TMEM117: variants seen among roughly 807,000 people sequenced by gnomAD.
TMEM117 encodes the protein transmembrane protein 117.
In TMEM117, 27 loss-of-function variants were observed where a neutral mutation model predicts 52.4. That is an observed-to-expected ratio of 0.51 (90% CI 0.38 to 0.71). The LOEUF (loss-of-function observed/expected upper bound fraction) is 0.71. TMEM117 is among the 30% of genes least tolerant of loss of function. The pLI is 0.00. For missense variants in TMEM117, 556 were observed against 630.5 expected (o/e 0.88, Z 1.26); for synonymous variants, 215 against 206.3 (o/e 1.04, Z -0.36).
At chr12:44,150,352 T>A (rs1351875714) in intron 4 of TMEM117, among the ~76,000 whole-genome samples, 3 of 152,082 alleles carry the variant, frequency 2.0e-5, no homozygotes, top group Non-Finnish European at 4.4e-5. Context: ...AAAGATATAG[T>A]TCTATGGTGT....
chr12:43,883,365 C>G (rs1452592404), intron 2 of TMEM117, among the ~76,000 whole-genome samples: 1 of 152,162 alleles, frequency 6.6e-6, no homozygotes, highest in Non-Finnish European at 1.5e-5. Flanking sequence ...CAAGTCATAT[C>G]TCTTCATCAC....
chr12:43,983,334 C>A (rs1026634678), intron 3 of TMEM117, among the ~76,000 whole-genome samples: 1 of 152,012 alleles, frequency 6.6e-6, no homozygotes, highest in Admixed American at 6.6e-5. Context: ...TTGGCTAATA[C>A]CTCTTTGGCC....
rs528190376 is a variant in TMEM117 at position 43,841,036 on chromosome 12, C to T, written c.-28-3588C>T. Among the ~76,000 whole-genome samples the T allele has an allele frequency of 6.6e-5, 10 of 152,194 alleles. No individual in the cohort carries two copies. The East Asian group carries it at 1.3e-3, about 21-fold the overall frequency. On this transcript the variant is annotated intron_variant, in intron 1 of 7. Transcript: ENST00000266534. Reference sequence around the variant, plus strand: ...TAGGCAAACATTTGCAGCCTGTGTACGAAGTCATGAAGTGAGGATAAGCAG... The same window carrying T: ...TAGGCAAACATTTGCAGCCTGTGTATGAAGTCATGAAGTGAGGATAAGCAG...
At chr12:43,991,484 C>A (rs1945940437) in intron 3 of TMEM117, among the ~76,000 whole-genome samples, 1 of 148,410 alleles carries the variant, frequency 6.7e-6, no homozygotes, top group African/African-American at 2.6e-5. Context: ...TAATCTATCT[C>A]TGTCTATCTA....
chr12:44,339,311 A>G (rs1319914428), intron 6 of TMEM117, among the ~76,000 whole-genome samples: 3 of 152,068 alleles, frequency 2.0e-5, no homozygotes, highest in African/African-American at 7.2e-5. Context: ...TTCATTTTCC[A>G]GCTTCTAGCA....
chr12:44,315,783 A>T (rs1302242988), intron 6 of TMEM117, among the ~76,000 whole-genome samples: 2 of 152,130 alleles, frequency 1.3e-5, no homozygotes, highest in African/African-American at 4.8e-5. Context: ...CTTCTTGTTG[A>T]ATTGAACCTT....
intron 4 of TMEM117, among the ~76,000 whole-genome samples, chr12:44,182,875 G>C (rs17094183): frequency 0.27 from 40,938 of 151,880 alleles, 9,986 homozygotes; most frequent in African/African-American, 0.66. Context: ...AACAAAAAAC[G>C]CTTTTAATCC....
At chr12:44,132,439 T>G (rs939356001) in intron 3 of TMEM117, among the ~76,000 whole-genome samples, 1 of 152,054 alleles carries the variant, frequency 6.6e-6, no homozygotes, top group Non-Finnish European at 1.5e-5. Flanking sequence ...AACAACTCAT[T>G]GTGAAAGATT....
chr12:44,239,730 T>C (rs1950039478), intron 5 of TMEM117, among the ~76,000 whole-genome samples: 1 of 152,152 alleles, frequency 6.6e-6, no homozygotes, highest in South Asian at 2.1e-4. Context: ...TGACAATTTA[T>C]ATGCCAGATA....
intron 5 of TMEM117, among the ~76,000 whole-genome samples, chr12:44,267,261 T>A (rs1235302938): frequency 6.6e-6 from 1 of 152,152 alleles, no homozygotes; most frequent in Non-Finnish European, 1.5e-5. Flanking sequence ...AATATTTAGT[T>A]CTTTTTGATG....
chr12:44,225,341 C>T (rs1949846743), intron 5 of TMEM117, among the ~76,000 whole-genome samples: 1 of 152,096 alleles, frequency 6.6e-6, no homozygotes, highest in Admixed American at 6.6e-5. Context: ...CATGAAACTA[C>T]ATTAAAATGT....
intron 3 of TMEM117, among the ~76,000 whole-genome samples, chr12:43,955,248 T>C (rs748853002): frequency 6.6e-6 from 1 of 152,198 alleles, no homozygotes; most frequent in Non-Finnish European, 1.5e-5. Context: ...AAGGATGCCC[T>C]GTCTCACTAC....
At chr12:44,131,902 G>A (rs978337108) in intron 3 of TMEM117, among the ~76,000 whole-genome samples, 1 of 151,904 alleles carries the variant, frequency 6.6e-6, no homozygotes, top group African/African-American at 2.4e-5. Flanking sequence ...TCTTTATTCT[G>A]TTCTCACTTT....
At chr12:43,930,051 G>A (rs1348000855) in intron 2 of TMEM117, among the ~76,000 whole-genome samples, 2 of 152,106 alleles carry the variant, frequency 1.3e-5, no homozygotes. Flanking sequence ...CTTCTGGTCT[G>A]TAGATACTGG....
chr12:44,390,715 A>G (rs767137035), downstream of TMEM117, among the ~76,000 whole-genome samples: 2 of 151,552 alleles, frequency 1.3e-5, no homozygotes. Flanking sequence ...TTAATAGTCA[A>G]ACAAGACTTC....
chr12:44,221,496 T>A (rs1949788149), intron 5 of TMEM117, among the ~76,000 whole-genome samples: 1 of 152,192 alleles, frequency 6.6e-6, no homozygotes, highest in African/African-American at 2.4e-5. Context: ...AAAGTTAGAA[T>A]AAATTTGTGA....
At chr12:43,823,654 C>T in the TMEM117 span, among the ~76,000 whole-genome samples, 16 of 152,204 alleles carry the variant, frequency 1.1e-4, no homozygotes, top group African/African-American at 3.6e-4. Context: ...GCTGGGACTA[C>T]AGGCACGCGC....
At chr12:44,367,076 G>A (rs1221840428) in intron 6 of TMEM117, among the ~76,000 whole-genome samples, 1 of 152,148 alleles carries the variant, frequency 6.6e-6, no homozygotes, top group Non-Finnish European at 1.5e-5. Context: ...ACATGTCAGA[G>A]TCCTCTGTTC....
At chr12:44,311,474 T>C (rs924915058) in intron 6 of TMEM117, among the ~76,000 whole-genome samples, 6 of 151,786 alleles carry the variant, frequency 4.0e-5, no homozygotes, top group Non-Finnish European at 8.8e-5. Context: ...TTTTAATGAA[T>C]AGGGTGGTGG....
Sources: gnomAD v4.1 joint callset for allele counts (sites outside exome capture counted in the v4.1 genomes callset) on GRCh38, gnomAD v4.1.1 for gene constraint, MANE v1.5 for transcripts, NCBI Gene and HGNC (gene_info 2026-07-23, HGNC 2026-07-21) for gene names.